The following CILK1 variants were observed in gnomAD, a reference collection of about 807,000 sequenced individuals.
The protein encoded by CILK1 is ciliogenesis associated kinase 1.
A neutral mutation model predicts 79.2 loss-of-function variants in CILK1; 47 were observed. The ratio of observed to expected loss-of-function variants is 0.59; its 90% CI spans 0.47 to 0.76. The LOEUF (loss-of-function observed/expected upper bound fraction) is 0.76. CILK1 is among the 30% of genes least tolerant of loss of function. The pLI is 0.00. For synonymous variants in CILK1, 266 were observed against 275.9 expected, an observed-to-expected ratio of 0.96 and a Z score of 0.36; for missense variants, 660 against 769.5, an observed-to-expected ratio of 0.86 and a Z score of 1.68.
rs1170412172 is a variant in CILK1 at position 53,002,039 on chromosome 6, CAG to C, written c.*3108_*3109del. The C allele has an allele frequency of 5.2e-5, 8 of 152,670 alleles. No homozygotes were observed. The allele number at this position is 152,670 out of a possible 1,614,324, so 9.5% of individuals were successfully genotyped here. A position where few individuals can be genotyped will look rare whatever the true frequency, so the allele number is the denominator to read the frequency against. On this transcript the variant is annotated 3_prime_UTR_variant, in exon 14 of 14. Coordinates refer to ENST00000676107, the MANE Select transcript of CILK1 (RefSeq NM_014920.5). ...TTTTTGATAACTCCAGAAGATGACACAGTGTTACTTTATTAGATGTATATAGT... is the reference window on the plus strand; with the variant it reads ...TTTTTGATAACTCCAGAAGATGACACTGTTACTTTATTAGATGTATATAGT...
At chr6:53,052,659 A>G (rs533677393) in intron 1 of CILK1, among the ~76,000 whole-genome samples, 41 of 151,958 alleles carry the variant, frequency 2.7e-4, no homozygotes, top group African/African-American at 9.7e-4. Context: ...TGAACCCAGG[A>G]GGCGGAGGTT....
chr6:53,042,003 G>A (rs1213412477), intron 1 of CILK1, among the ~76,000 whole-genome samples: 2 of 151,982 alleles, frequency 1.3e-5, no homozygotes, highest in Non-Finnish European at 2.9e-5. Context: ...GAAGTTTGGT[G>A]ATGTTTTTAT....
At position 53,022,349 on chromosome 6, in the gene CILK1, A is replaced by T. The variant is rs117728168; in HGVS notation, c.359-2990T>A. 6.4e-3 allele frequency among the ~76,000 whole-genome samples: 973 copies of T among 152,258 alleles called. 16 individuals are homozygous for T. The highest frequency in any genetic ancestry group is 0.062 in the East Asian group (322 of 5,176). ...TGCCCTATACAGGTGTACCATTTTTAAAAAAATTTTTTATACTATATTTTT... is the reference window on the plus strand; with the variant it reads ...TGCCCTATACAGGTGTACCATTTTTTAAAAAATTTTTTATACTATATTTTT... On this transcript the variant is annotated intron_variant, in intron 5 of 13. Coordinates refer to ENST00000676107, the MANE Select transcript of CILK1 (RefSeq NM_014920.5).
chr6:53,024,717 A>C (rs1765460414), intron 5 of CILK1, among the ~76,000 whole-genome samples: 2 of 152,178 alleles, frequency 1.3e-5, no homozygotes, highest in Non-Finnish European at 2.9e-5. Flanking sequence ...CAGATGGGAA[A>C]ACTGAATCAT....
intron 8 of CILK1, among the ~76,000 whole-genome samples, chr6:53,015,762 A>T (rs1312309309): frequency 2.6e-5 from 4 of 152,204 alleles, no homozygotes; most frequent in Admixed American, 2.6e-4. Flanking sequence ...CTACTATATA[A>T]TTGTAACTCA....
chr6:53,041,396 A>T lies in CILK1; in HGVS notation c.-160T>A. On this transcript the variant is annotated 5_prime_UTR_variant, in exon 2 of 14. Transcript: ENST00000676107. ...GTCTCCCAAATACATATTTCCAAAA[A>T]TCAGTCTTCTGCCTGCAGAGAAAAA... is the stretch of plus-strand genomic sequence containing the variant. 3.1e-6 allele frequency: 2 copies of T among 638,308 alleles called. No individual in the cohort carries two copies. The highest frequency in any genetic ancestry group is 3.3e-5 in the South Asian group (2 of 60,260). 39.5% of individuals were successfully genotyped at this position (638,308 alleles called of 1,614,324 possible). A position where few individuals can be genotyped will look rare whatever the true frequency, so the allele number is the denominator to read the frequency against.
At chr6:53,017,581 G>A (rs1438602310) in intron 7 of CILK1, among the ~76,000 whole-genome samples, 1 of 152,218 alleles carries the variant, frequency 6.6e-6, no homozygotes, top group Non-Finnish European at 1.5e-5. Flanking sequence ...GTCAGTACCA[G>A]AGCTGTTCTT....
intron 5 of CILK1, among the ~76,000 whole-genome samples, chr6:53,020,370 T>C (rs1194702809): frequency 6.6e-6 from 1 of 152,124 alleles, no homozygotes; most frequent in Non-Finnish European, 1.5e-5. Flanking sequence ...TGGCTCCAAA[T>C]CTCAATGGGA....
chr6:53,058,868 C>T (rs898028405), intron 1 of CILK1, among the ~76,000 whole-genome samples: 1 of 151,954 alleles, frequency 6.6e-6, no homozygotes, highest in African/African-American at 2.4e-5. Flanking sequence ...ACCACTCCAA[C>T]TCTGCAAGAT....
rs1318386017 is a variant in CILK1, at chr6:53,012,169, C to T, written c.1211G>A (p.Arg404Lys). The T allele has an allele frequency of 1.2e-6, 2 of 1,614,068 alleles. No homozygotes were observed. The highest frequency in any genetic ancestry group is 8.5e-7 in the Non-Finnish European group (1 of 1,180,038). Reference sequence around the variant, plus strand: ...TGTTGACCTGGAAATAAGACCCCACCTTCTCCTACTCTTTGGCTTTATCTC... The same window carrying T: ...TGTTGACCTGGAAATAAGACCCCACTTTCTCCTACTCTTTGGCTTTATCTC... Reference protein sequence around the residue: ...NGEIKPKSRRRWGLISRSTKD... With the variant: ...NGEIKPKSRRKWGLISRSTKD... The change falls in exon 10 of 14, where the codon AGG (arginine) becomes AAG (lysine). Residue 404 changes from arginine to lysine, a missense_variant. Transcript: ENST00000676107.
At chr6:53,036,256 G>A (rs1487298308) in intron 3 of CILK1, among the ~76,000 whole-genome samples, 1 of 152,114 alleles carries the variant, frequency 6.6e-6, no homozygotes, top group Non-Finnish European at 1.5e-5. Flanking sequence ...AATGTCCTTG[G>A]ATTATCTTTG....
At chr6:53,050,938 T>A (rs1767441083) in intron 1 of CILK1, among the ~76,000 whole-genome samples, 1 of 152,128 alleles carries the variant, frequency 6.6e-6, no homozygotes, top group Non-Finnish European at 1.5e-5. Context: ...ATCACTCAAG[T>A]GAAAAATTAA....
At chr6:53,027,236 T>C (rs1394727515) in intron 5 of CILK1, among the ~76,000 whole-genome samples, 2 of 152,232 alleles carry the variant, frequency 1.3e-5, no homozygotes, top group Admixed American at 6.5e-5. Context: ...GAGAACCATC[T>C]CTTGGTGCAA....
intron 1 of CILK1, among the ~76,000 whole-genome samples, chr6:53,047,713 A>G (rs1767190705): frequency 6.6e-6 from 1 of 152,072 alleles, no homozygotes; most frequent in Non-Finnish European, 1.5e-5. Flanking sequence ...AGATGTTAGA[A>G]TAGAGATCAG....
chr6:53,013,221 T>C (rs1387622384), intron 9 of CILK1, among the ~76,000 whole-genome samples: 1 of 152,184 alleles, frequency 6.6e-6, no homozygotes, highest in Non-Finnish European at 1.5e-5. Flanking sequence ...TGTAACTAGG[T>C]GCCAGGTATT....
At chr6:53,046,669 C>T (rs149805910) in intron 1 of CILK1, among the ~76,000 whole-genome samples, 38 of 152,328 alleles carry the variant, frequency 2.5e-4, no homozygotes, top group African/African-American at 9.1e-4. Flanking sequence ...AGTGTCTCTT[C>T]AAGCATTGAT....
At chr6:53,056,295 C>T (rs573738668) in intron 1 of CILK1, among the ~76,000 whole-genome samples, 1 of 152,260 alleles carries the variant, frequency 6.6e-6, no homozygotes, top group East Asian at 1.9e-4. Flanking sequence ...GAAGTAAAGG[C>T]TTAATGTAAA....
chr6:53,055,084 A>G (rs1250668053), intron 1 of CILK1, among the ~76,000 whole-genome samples: 1 of 152,240 alleles, frequency 6.6e-6, no homozygotes, highest in African/African-American at 2.4e-5. Context: ...GACACCATTC[A>G]GTTCCTTAGA....
rs1764137173 is a variant in CILK1 at position 53,005,054 on chromosome 6, T to C, written c.*95A>G. 5 of 1,375,262 alleles carry C rather than the reference T, an allele frequency of 3.6e-6. No individual in the cohort carries two copies. The East Asian group carries it at 9.1e-5, about 25-fold the overall frequency. 85.2% of individuals were successfully genotyped at this position (1,375,262 alleles called of 1,614,324 possible). A position where few individuals can be genotyped will look rare whatever the true frequency, so the allele number is the denominator to read the frequency against. ...TAACTATAAAGTGTTGATTTGCTTT[T>C]ATGCCCTCTGCACATCTTGCAGGTA... is the stretch of plus-strand genomic sequence containing the variant. On this transcript the variant is annotated 3_prime_UTR_variant, in exon 14 of 14. Coordinates refer to ENST00000676107, the MANE Select transcript of CILK1 (RefSeq NM_014920.5).
Sources: allele counts gnomAD v4.1 joint callset (sites outside exome capture counted in the v4.1 genomes callset), GRCh38; gene constraint gnomAD v4.1.1; transcripts MANE v1.5; gene names NCBI Gene and HGNC (gene_info 2026-07-23, HGNC 2026-07-21).